The following GLG1 variants were observed in gnomAD, a reference collection of about 807,000 sequenced individuals.
GLG1 encodes the protein Golgi apparatus protein 1.
Under a neutral mutation model 160.5 loss-of-function variants are expected in GLG1, and 38 were observed. The ratio of observed to expected loss-of-function variants is 0.24; its 90% confidence interval spans 0.18 to 0.31. GLG1 has a LOEUF of 0.31. Ranked by LOEUF, GLG1 falls within the 10% of genes least tolerant of loss-of-function variation. The pLI is 1.00. For synonymous variants in GLG1, 644 were observed against 543.4 expected (o/e 1.19, Z -2.57); for missense variants, 1,373 against 1,505.2 (o/e 0.91, Z 1.45).
chr16:74,502,119 A>G (rs2016427262), intron 4 of GLG1, among the ~76,000 whole-genome samples: 4 of 152,220 alleles, frequency 2.6e-5, no homozygotes, highest in African/African-American at 9.6e-5. Flanking sequence ...AATAGAGGGC[A>G]AAGGGACAAA....
At chr16:74,523,634 G>C (rs2143567890) in intron 2 of GLG1, among the ~76,000 whole-genome samples, 1 of 152,032 alleles carries the variant, frequency 6.6e-6, no homozygotes, top group Non-Finnish European at 1.5e-5. Flanking sequence ...CTTATCTGTA[G>C]AGTGGTCTTA....
chr16:74,603,750 T>C (rs936468103), intron 1 of GLG1, among the ~76,000 whole-genome samples: 1 of 152,156 alleles, frequency 6.6e-6, no homozygotes, highest in African/African-American at 2.4e-5. Flanking sequence ...CAACAGTATC[T>C]TCTCTTTCTT....
intron 18 of GLG1, among the ~76,000 whole-genome samples, chr16:74,466,616 G>C (rs551602285): frequency 9.2e-5 from 14 of 152,202 alleles, no homozygotes; most frequent in South Asian, 2.1e-4. Flanking sequence ...AGGGGTAATA[G>C]AGCAATCAAA....
intron 3 of GLG1, among the ~76,000 whole-genome samples, chr16:74,504,497 A>T (rs2016526320): frequency 6.6e-6 from 1 of 152,154 alleles, no homozygotes; most frequent in Non-Finnish European, 1.5e-5. Flanking sequence ...CATGTTGGCC[A>T]GGCTGGTCTC....
At chr16:74,535,347 T>C (rs1441467410) in intron 1 of GLG1, among the ~76,000 whole-genome samples, 2 of 152,286 alleles carry the variant, frequency 1.3e-5, no homozygotes, top group Non-Finnish European at 2.9e-5. Flanking sequence ...GACACAAAAG[T>C]GCAAATCTGG....
chr16:74,489,468 T>C (rs2015906568), intron 8 of GLG1, among the ~76,000 whole-genome samples: 1 of 149,400 alleles, frequency 6.7e-6, no homozygotes, highest in Admixed American at 6.6e-5. Flanking sequence ...TGAGACTCTG[T>C]CTCAAAAAAA....
intron 1 of GLG1, among the ~76,000 whole-genome samples, chr16:74,534,707 T>C (rs1201075773): frequency 1.2e-4 from 18 of 152,096 alleles, no homozygotes; most frequent in Non-Finnish European, 2.1e-4. Context: ...ATCCTCTGTT[T>C]TGTAAGTCTG....
chr16:74,571,516 T>C (rs1447936317), intron 1 of GLG1, among the ~76,000 whole-genome samples: 1 of 152,056 alleles, frequency 6.6e-6, no homozygotes, highest in East Asian at 1.9e-4. Context: ...TTATAAATAA[T>C]AATAAAATTA....
At position 74,450,861 on chromosome 16, in the gene GLG1, AAGAC is replaced by A. The variant is rs1193586054; in HGVS notation, c.*2302_*2305del. On this transcript the variant is annotated 3_prime_UTR_variant, in exon 26 of 26. Transcript: ENST00000422840. Reference sequence around the variant, plus strand: ...ATACTCTGTCTCAAAAAAAAAAAAAAAGACAGATGTTTCAAGAACCAAATTCCTC... The same window carrying A: ...ATACTCTGTCTCAAAAAAAAAAAAAAAGATGTTTCAAGAACCAAATTCCTC... 20 of 152,082 alleles carry A rather than the reference AAGAC, an allele frequency of 1.3e-4. No individual in the cohort carries two copies. Among genetic ancestry groups the A allele is most frequent in the Non-Finnish European group, 2.5e-4 (17 of 67,982 alleles). 9.4% of individuals were successfully genotyped at this position (152,082 alleles called of 1,614,324 possible).
chr16:74,553,232 AAAAAT>A (rs2018252785), intron 1 of GLG1, among the ~76,000 whole-genome samples: 2 of 151,582 alleles, frequency 1.3e-5, no homozygotes, highest in Non-Finnish European at 1.5e-5. Context: ...AAAAAAAAAA[AAAAAT>A]TTTTTTTAAA....
intron 2 of GLG1, among the ~76,000 whole-genome samples, chr16:74,527,728 C>A (rs896349943): frequency 2.6e-5 from 4 of 151,806 alleles, no homozygotes; most frequent in Non-Finnish European, 5.9e-5. Context: ...TCTGATAACA[C>A]CTATTTTATT....
intron 1 of GLG1, among the ~76,000 whole-genome samples, chr16:74,571,854 A>C (rs750120705): frequency 1.6e-4 from 25 of 152,156 alleles, no homozygotes; most frequent in Non-Finnish European, 3.2e-4. Context: ...AAACAAAATG[A>C]AAGTAACTAA....
At chr16:74,461,871 G>C in intron 22 of GLG1, 1 of 457,406 alleles carries the variant, frequency 2.2e-6, no homozygotes, top group South Asian at 3.7e-5. Context: ...GAACACCCTT[G>C]TTCAACAGAG....
rs149947771 is a variant in GLG1, at chr16:74,544,592, C to T, written c.439-12439G>A. On this transcript the variant is annotated intron_variant, in intron 1 of 25. Transcript: ENST00000422840. Reference sequence around the variant, plus strand: ...CGTGATCACGGCTCACTGTAACCTCCGCCTCCCAGGTTTAGGCGACCCTCT... The same window carrying T: ...CGTGATCACGGCTCACTGTAACCTCTGCCTCCCAGGTTTAGGCGACCCTCT... Among the ~76,000 whole-genome samples the T allele has an allele frequency of 5.5e-3, 832 of 152,268 alleles. 17 individuals carry two copies. In the East Asian group the frequency reaches 0.081, roughly 15 times the overall value.
Position 74,469,404 on chromosome 16 carries a change from G to A in GLG1, c.2319-341C>T, listed in dbSNP as rs545779997. ...TCTAGGACTGTACTTTTGACCTACT[G>A]TGAAACTCACTCCTGAAAGGTAGAG... is the stretch of plus-strand genomic sequence containing the variant. On this transcript the variant is annotated intron_variant, in intron 16 of 25. Coordinates refer to ENST00000422840, the MANE Select transcript of GLG1 (RefSeq NM_001145667.2). The A allele has an allele frequency of 1.2e-5, 3 of 256,864 alleles. No homozygotes were observed. The East Asian group carries it at 2.3e-4, about 19-fold the overall frequency. 15.9% of individuals were successfully genotyped at this position (256,864 alleles called of 1,614,324 possible).
intron 1 of GLG1, among the ~76,000 whole-genome samples, chr16:74,560,885 A>T (rs1336412102): frequency 1.3e-5 from 2 of 152,246 alleles, no homozygotes; most frequent in African/African-American, 4.8e-5. Flanking sequence ...CTGTATATAG[A>T]ATATGTAAAG....
chr16:74,514,860 C>T (rs187536277), intron 2 of GLG1, among the ~76,000 whole-genome samples: 3 of 151,968 alleles, frequency 2.0e-5, no homozygotes, highest in Non-Finnish European at 4.4e-5. Context: ...TGCATAGAGT[C>T]AAGACCCATC....
At chr16:74,486,184 T>C (rs1414995393) in intron 8 of GLG1, among the ~76,000 whole-genome samples, 1 of 152,194 alleles carries the variant, frequency 6.6e-6, no homozygotes, top group Non-Finnish European at 1.5e-5. Context: ...CTTTACAACA[T>C]GAATATGAAG....
At chr16:74,590,250 C>T (rs1262005912) in intron 1 of GLG1, among the ~76,000 whole-genome samples, 4 of 152,044 alleles carry the variant, frequency 2.6e-5, no homozygotes, top group African/African-American at 4.8e-5. Flanking sequence ...CCGCCCACCT[C>T]GGCCTCCCAA....
Sources: allele counts gnomAD v4.1 joint callset (sites outside exome capture counted in the v4.1 genomes callset), GRCh38; gene constraint gnomAD v4.1.1; transcripts MANE v1.5; gene names NCBI Gene and HGNC (gene_info 2026-07-23, HGNC 2026-07-21).